DPP6: variants seen among roughly 807,000 people sequenced by gnomAD.
DPP6 encodes dipeptidyl peptidase like 6, also known as A-type potassium channel modulatory protein DPP6.
A neutral mutation model predicts 122.6 loss-of-function variants in DPP6; 69 were observed. The ratio of observed to expected loss-of-function variants is 0.56; its 90% CI spans 0.46 to 0.69. The LOEUF (loss-of-function observed/expected upper bound fraction) is 0.69. Among genes scored for constraint, DPP6 ranks in the 30% least tolerant of loss-of-function variants. The pLI, the probability that DPP6 is intolerant of heterozygous loss-of-function variation, is 0.00. For synonymous variants in DPP6, 418 were observed against 433.1 expected, an observed-to-expected ratio of 0.97 and a Z score of 0.43; for missense variants, 928 against 1,116.9, an observed-to-expected ratio of 0.83 and a Z score of 2.41.
intron 1 of DPP6, among the ~76,000 whole-genome samples, chr7:154,132,369 T>C (rs1179087692): frequency 6.6e-6 from 1 of 152,148 alleles, no homozygotes; most frequent in African/African-American, 2.4e-5. Context: ...GCAATTCAGC[T>C]TAACCCACAG....
At chr7:154,406,848 T>G (rs567013368) in intron 1 of DPP6, among the ~76,000 whole-genome samples, 35 of 152,182 alleles carry the variant, frequency 2.3e-4, no homozygotes, top group Non-Finnish European at 1.8e-4. Context: ...AGATAGAGTA[T>G]ATAGAACACC....
intron 1 of DPP6, among the ~76,000 whole-genome samples, chr7:154,085,503 A>T (rs1804342666): frequency 6.6e-6 from 1 of 152,208 alleles, no homozygotes. Context: ...ATACCTAATA[A>T]GTAAGTTTTT....
At chr7:153,827,044 G>T in the DPP6 span, among the ~76,000 whole-genome samples, 1 of 151,894 alleles carries the variant, frequency 6.6e-6, no homozygotes, top group Admixed American at 6.6e-5. Flanking sequence ...TGACTACCAA[G>T]TGTTGAAGAC....
intron 1 of DPP6, among the ~76,000 whole-genome samples, chr7:153,983,710 T>C (rs1796704435): frequency 1.3e-5 from 2 of 151,942 alleles, no homozygotes; most frequent in Admixed American, 1.3e-4. Flanking sequence ...GTCTGTGGGT[T>C]GTGAAGACCG....
intron 1 of DPP6, among the ~76,000 whole-genome samples, chr7:154,321,028 T>C (rs1807904772): frequency 6.6e-6 from 1 of 152,194 alleles, no homozygotes; most frequent in Non-Finnish European, 1.5e-5. Flanking sequence ...TAGGCATTGA[T>C]TATTCTCTGC....
chr7:153,987,402 G>T lies in DPP6; in HGVS notation c.51+99668G>T, dbSNP rs147545520. 3.9e-3 allele frequency among the ~76,000 whole-genome samples: 596 copies of T among 152,286 alleles called. 3 individuals are homozygous for T. The highest frequency in any genetic ancestry group is 0.013 in the African/African-American group (561 of 41,558). ...AGAAAATCATTCTAAAGAATGCATG[G>T]TTTGTGTAGTTGTAGAACGAAACTT... On this transcript the variant is annotated intron_variant, in intron 1 of 25. Coordinates refer to the DPP6 transcript ENST00000404039.
intron 2 of DPP6, among the ~76,000 whole-genome samples, chr7:154,467,405 T>C (rs986004035): frequency 6.6e-6 from 1 of 152,170 alleles, no homozygotes; most frequent in Non-Finnish European, 1.5e-5. Context: ...ATCCCCCTAG[T>C]GCTGTCTTGT....
chr7:153,965,942 T>TTGA (rs1163168023), intron 1 of DPP6, among the ~76,000 whole-genome samples: 2 of 151,672 alleles, frequency 1.3e-5, no homozygotes, highest in African/African-American at 4.8e-5. Context: ...TGACACAAAC[T>TTGA]TGATGATGAT....
At position 154,744,911 on chromosome 7, in the gene DPP6, G is replaced by T. The variant is rs116973007; in HGVS notation, c.883+17024G>T. Among the ~76,000 whole-genome samples the T allele has an allele frequency of 4.1e-3, 617 of 152,262 alleles. 5 individuals are homozygous for T. The highest frequency in any genetic ancestry group is 7.8e-3 in the Non-Finnish European group (532 of 68,016). ...ACTCACTCACAGTCAGAATCCAGGG[G>T]GCTGTGTTATTTAGGATGATCCGAA... On this transcript the variant is annotated intron_variant, in intron 8 of 25. Transcript: ENST00000377770.
At chr7:154,377,447 A>G (rs533702513) in intron 1 of DPP6, among the ~76,000 whole-genome samples, 1 of 152,202 alleles carries the variant, frequency 6.6e-6, no homozygotes, top group East Asian at 1.9e-4. Context: ...ACTCTTGATC[A>G]TTGATATGAT....
the DPP6 span, among the ~76,000 whole-genome samples, chr7:153,833,828 G>A: frequency 3.9e-5 from 6 of 152,250 alleles, no homozygotes; most frequent in East Asian, 3.9e-4. Context: ...CTTGGCTCAC[G>A]CATTTCCTAC....
intron 5 of DPP6, among the ~76,000 whole-genome samples, chr7:154,592,469 G>T (rs1832859016): frequency 6.6e-6 from 1 of 152,234 alleles, no homozygotes; most frequent in African/African-American, 2.4e-5. Context: ...GGTGGACAGA[G>T]CCGGGGAAGC....
intron 21 of DPP6, among the ~76,000 whole-genome samples, chr7:154,882,998 C>T (rs1002794320): frequency 6.6e-6 from 1 of 152,148 alleles, no homozygotes; most frequent in African/African-American, 2.4e-5. Context: ...CACGCATGCT[C>T]ACAGACTCAC....
intron 1 of DPP6, among the ~76,000 whole-genome samples, chr7:154,398,190 G>A (rs1227874679): frequency 6.6e-6 from 1 of 152,164 alleles, no homozygotes; most frequent in African/African-American, 2.4e-5. Context: ...GTCACCAGAT[G>A]TTGTGCATAT....
chr7:154,515,557 C>A (rs994902903), intron 3 of DPP6, among the ~76,000 whole-genome samples: 3 of 152,118 alleles, frequency 2.0e-5, no homozygotes, highest in African/African-American at 7.2e-5. Context: ...CTCACTGCAA[C>A]CTCTGTCTCC....
intron 1 of DPP6, among the ~76,000 whole-genome samples, chr7:154,104,431 G>A (rs554768857): frequency 7.3e-4 from 111 of 152,374 alleles, no homozygotes; most frequent in Non-Finnish European, 1.3e-4. Flanking sequence ...CTCTGTCAAA[G>A]TGGGGCCAGT....
chr7:154,302,182 C>T (rs927083652), intron 1 of DPP6, among the ~76,000 whole-genome samples: 1 of 152,086 alleles, frequency 6.6e-6, no homozygotes, highest in Non-Finnish European at 1.5e-5. Context: ...AACTCCTCAC[C>T]TCCCGCTCCC....
chr7:153,964,954 C>T lies in DPP6; in HGVS notation c.51+77220C>T, dbSNP rs368236564. ...TCTTTCTTTCTTTTTCTTTCTTTCT[C>T]TCTTTCTTTCTTTCATTTCTTTTCC... On this transcript the variant is annotated intron_variant, in intron 1 of 25. Coordinates refer to the DPP6 transcript ENST00000404039. Among the ~76,000 whole-genome samples, 344 of 57,772 alleles carry T rather than the reference C, an allele frequency of 6.0e-3. 2 individuals carry two copies. The highest frequency in any genetic ancestry group is 0.021 in the African/African-American group (213 of 10,104). 37.9% of individuals were successfully genotyped at this position (57,772 alleles called of 152,430 possible).
chr7:153,793,205 G>A, the DPP6 span, among the ~76,000 whole-genome samples: 2 of 152,072 alleles, frequency 1.3e-5, no homozygotes, highest in East Asian at 3.9e-4. Flanking sequence ...GAAGAAGACA[G>A]GAAAATGTGG....
Sources: gnomAD v4.1 joint callset for allele counts (sites outside exome capture counted in the v4.1 genomes callset) on GRCh38, gnomAD v4.1.1 for gene constraint, MANE v1.5 for transcripts, NCBI Gene and HGNC (gene_info 2026-07-23, HGNC 2026-07-21) for gene names.